The following SGSM3 variants were observed in gnomAD, a reference collection of about 807,000 sequenced individuals.
SGSM3 encodes the protein small G protein signaling modulator 3.
SGSM3 carries 96 observed loss-of-function variants against 100.5 expected under a neutral mutation model. The ratio of observed to expected loss-of-function variants is 0.96; its 90% CI spans 0.81 to 1.13. SGSM3 has a LOEUF of 1.13. Among genes scored for constraint, SGSM3 ranks in the 50% most tolerant of loss-of-function variants. SGSM3 has a pLI of 0.00. For synonymous variants in SGSM3, 483 were observed against 422.8 expected, an observed-to-expected ratio of 1.14 and a Z score of -1.75; for missense variants, 1,001 against 1,015.8, an observed-to-expected ratio of 0.99 and a Z score of 0.20.
intron 1 of SGSM3, among the ~76,000 whole-genome samples, chr22:40,394,634 G>A (rs1451907573): frequency 3.7e-5 from 5 of 133,686 alleles, no homozygotes; most frequent in African/African-American, 1.4e-4. Context: ...GACAGAGTAA[G>A]ACTCCTGTCT....
Position 40,400,746 on chromosome 22 carries a change from A to G in SGSM3, c.-61A>G. On this transcript the variant is annotated 5_prime_UTR_variant, in exon 2 of 22. Coordinates refer to ENST00000248929, the MANE Select transcript of SGSM3 (RefSeq NM_015705.6). ...GCCTGAGGAGCCTTCCAGCTCTAAG[A>G]TAGCAGGATAGGAGACTTCTAAGAT... is the stretch of plus-strand genomic sequence containing the variant. 1 of 1,541,360 alleles carries G rather than the reference A, an allele frequency of 6.5e-7. No homozygotes were observed. Among genetic ancestry groups the G allele is most frequent in the Non-Finnish European group, 8.8e-7 (1 of 1,137,858 alleles).
Position 40,372,371 on chromosome 22 carries a change from C to T in SGSM3, c.-112+1683C>T, listed in dbSNP as rs566320496. Among the ~76,000 whole-genome samples, 70 of 151,362 alleles carry T rather than the reference C, an allele frequency of 4.6e-4. 2 individuals carry two copies. The highest frequency in any genetic ancestry group is 2.6e-3 in the East Asian group (13 of 5,068). ...CGATCTCCTGACCTCGTGATCTGCC[C>T]GCCTCGGCCTCCCAAAGTGCTGGGA... On this transcript the variant is annotated intron_variant, in intron 1 of 21. Coordinates refer to ENST00000248929, the MANE Select transcript of SGSM3 (RefSeq NM_015705.6).
At chr22:40,374,097 C>T (rs1168030994) in intron 1 of SGSM3, among the ~76,000 whole-genome samples, 3 of 151,998 alleles carry the variant, frequency 2.0e-5, no homozygotes, top group Non-Finnish European at 2.9e-5. Context: ...GGACTACAGG[C>T]GCCTGCCACC....
Position 40,407,387 on chromosome 22 carries a change from T to C in SGSM3, c.1369-26T>C. The stretch of plus-strand genomic sequence containing the variant: ...ACGGCCCTAACTCCTCCAACCCCCT[T>C]GGTGGGCCTGTGTTCACTGTGGCAG... On this transcript the variant is annotated intron_variant, in intron 12 of 21. Coordinates refer to ENST00000248929, the MANE Select transcript of SGSM3 (RefSeq NM_015705.6). This position sits in a 1 kb window ranked among gnomAD's most constrained non-coding sequence, Gnocchi z 4.7. 1 of 1,611,586 alleles carries C rather than the reference T, an allele frequency of 6.2e-7. No individual in the cohort carries two copies. Among genetic ancestry groups the C allele is most frequent in the Non-Finnish European group, 8.5e-7 (1 of 1,178,560 alleles).
At chr22:40,406,837 C>T in intron 10 of SGSM3, 175 bp downstream of exon 10, 1 of 852,070 alleles carries the variant, frequency 1.2e-6, no homozygotes, top group Non-Finnish European at 1.9e-6. Flanking sequence ...AGGCTTTGTG[C>T]ACCTCAGGTT....
In SGSM3 at chr22:40,407,437, G is replaced by A; in HGVS notation, c.1393G>A (p.Glu465Lys). Residue 465 changes from glutamate to lysine, a missense_variant, in exon 13 of 22, where the codon GAG becomes AAG. Coordinates refer to ENST00000248929, the MANE Select transcript of SGSM3 (RefSeq NM_015705.6). This position sits in a 1 kb window ranked among gnomAD's most constrained non-coding sequence, Gnocchi z 4.7. ...SVELTPDYSM[E>K]SHQRDHENYV... ...GGAGCTGACTCCAGACTATAGCATG[G>A]AGAGCCACCAGCGGGACCACGAGAA... 6.2e-7 allele frequency: 1 copy of A among 1,612,836 alleles called. No homozygotes were observed. The highest frequency in any genetic ancestry group is 2.2e-5 in the East Asian group (1 of 44,874).
intron 1 of SGSM3, among the ~76,000 whole-genome samples, chr22:40,384,508 C>T (rs569025322): frequency 3.3e-5 from 5 of 152,194 alleles, no homozygotes; most frequent in Admixed American, 2.0e-4. Flanking sequence ...TGGCCAGGTG[C>T]GGTGGCTCAC....
rs199699333 is a variant in SGSM3 at position 40,408,135 on chromosome 22, C to T, written c.1629+15C>T. 6.8e-5 allele frequency: 85 copies of T among 1,241,518 alleles called. 1 individual carries two copies. In the Middle Eastern group the frequency reaches 1.1e-3, roughly 17 times the overall value. The allele number at this position is 1,241,518 out of a possible 1,614,324, so 76.9% of individuals were successfully genotyped here. ...GCAGCAAAGAGGTGAGGGGGGTGGGCGGGCTAGGCACGGCTGGCACCCTTC... is the reference window on the plus strand; with the variant it reads ...GCAGCAAAGAGGTGAGGGGGGTGGGTGGGCTAGGCACGGCTGGCACCCTTC... On this transcript the variant is annotated intron_variant, in intron 15 of 21. Coordinates refer to ENST00000248929, the MANE Select transcript of SGSM3 (RefSeq NM_015705.6).
At chr22:40,394,399 G>C (rs1300881603) in intron 1 of SGSM3, among the ~76,000 whole-genome samples, 1 of 152,202 alleles carries the variant, frequency 6.6e-6, no homozygotes, top group Non-Finnish European at 1.5e-5. Context: ...TATAATCCCA[G>C]CCCTTTGGGA....
chr22:40,382,766 A>T (rs2047778034), intron 1 of SGSM3, among the ~76,000 whole-genome samples: 2 of 152,278 alleles, frequency 1.3e-5, no homozygotes, highest in South Asian at 4.1e-4. Context: ...CCATTTTTGG[A>T]AAATAGGATC....
At chr22:40,392,546 G>A (rs1482444879) in intron 1 of SGSM3, among the ~76,000 whole-genome samples, 2 of 152,086 alleles carry the variant, frequency 1.3e-5, no homozygotes, top group Admixed American at 6.6e-5. Flanking sequence ...GCTCTGCAGG[G>A]GAAGAGAAAG....
At chr22:40,381,752 C>A (rs1373250351) in intron 1 of SGSM3, among the ~76,000 whole-genome samples, 1 of 152,076 alleles carries the variant, frequency 6.6e-6, no homozygotes, top group Non-Finnish European at 1.5e-5. Flanking sequence ...GCCAAGAGTT[C>A]AAGACTGGCC....
Position 40,409,018 on chromosome 22 carries a change from A to G in SGSM3, c.1988A>G (p.Asn663Ser). 6.4e-7 allele frequency: 1 copy of G among 1,562,168 alleles called. No individual in the cohort carries two copies. The highest frequency in any genetic ancestry group is 8.7e-7 in the Non-Finnish European group (1 of 1,153,100). Residue 663 changes from asparagine (N) to serine (S), a missense_variant and splice_region_variant, in exon 19 of 22, where the codon AAT becomes AGT. Asn to Ser is a conservative substitution (Grantham distance 46). Transcript: ENST00000248929. Reference sequence around the variant, plus strand: ...CGCTCACTGATCTGCGTGGGGCTCAAGTGAGTGTGGAAAAGGGGTTGGAGG... The same window carrying G: ...CGCTCACTGATCTGCGTGGGGCTCAGGTGAGTGTGGAAAAGGGGTTGGAGG... The part of the protein sequence containing the change: ...KLRSLICVGL[N>S]EQVLHLWLEV...
chr22:40,397,968 C>CTTT lies in SGSM3; in HGVS notation c.-111-2708_-111-2706dup, dbSNP rs1157147821. ...TTCTGTGTTTATCATCCAATTCTGT[C>CTTT]TTTTTTTTTTTTTTTTTTTTTTGAG... On this transcript the variant is annotated intron_variant, in intron 1 of 21. Coordinates refer to ENST00000248929, the MANE Select transcript of SGSM3 (RefSeq NM_015705.6). 2.0e-3 allele frequency among the ~76,000 whole-genome samples: 238 copies of CTTT among 116,434 alleles called. 2 individuals carry two copies. Among genetic ancestry groups the CTTT allele is most frequent in the African/African-American group, 4.2e-3 (115 of 27,492 alleles). The allele number at this position is 116,434 out of a possible 152,430, so 76.4% of individuals were successfully genotyped here.
intron 1 of SGSM3, among the ~76,000 whole-genome samples, chr22:40,383,249 C>T (rs185596569): frequency 2.0e-5 from 3 of 151,940 alleles, no homozygotes; most frequent in African/African-American, 4.8e-5. Flanking sequence ...GGGCAGATCA[C>T]GAGGTCAGGA....
chr22:40,375,580 CAA>C (rs5845459), intron 1 of SGSM3, among the ~76,000 whole-genome samples: 9 of 101,342 alleles, frequency 8.9e-5, no homozygotes, highest in Admixed American at 2.1e-4. Flanking sequence ...AACTCTGTCT[CAA>C]AAAAAAAAAA....
At chr22:40,384,174 G>T (rs1238899838) in intron 1 of SGSM3, among the ~76,000 whole-genome samples, 1 of 152,032 alleles carries the variant, frequency 6.6e-6, no homozygotes, top group Non-Finnish European at 1.5e-5. Context: ...AGCCTGGGAA[G>T]TCAAGGCTGC....
intron 1 of SGSM3, among the ~76,000 whole-genome samples, chr22:40,391,566 A>G (rs1372726050): frequency 6.6e-6 from 1 of 152,198 alleles, no homozygotes; most frequent in African/African-American, 2.4e-5. Context: ...AGCTCTGATC[A>G]TTCCTCTGCA....
intron 1 of SGSM3, among the ~76,000 whole-genome samples, chr22:40,399,766 T>C (rs1278502197): frequency 6.6e-6 from 1 of 152,220 alleles, no homozygotes; most frequent in African/African-American, 2.4e-5. Context: ...GGCTGGCCTG[T>C]TGGGGAAGCA....
Sources: allele counts gnomAD v4.1 joint callset (sites outside exome capture counted in the v4.1 genomes callset), GRCh38; gene constraint gnomAD v4.1.1; non-coding constraint Gnocchi (gnomAD v3.1); transcripts MANE v1.5; gene names NCBI Gene and HGNC (gene_info 2026-07-23, HGNC 2026-07-21).